The following RNF214 variants were observed in gnomAD, a reference collection of about 807,000 sequenced individuals.
RNF214 encodes ring finger protein 214.
A neutral mutation model predicts 75.9 loss-of-function variants in RNF214; 25 were observed. The observed-to-expected ratio is 0.33, with a 90% CI of 0.24 to 0.46. The LOEUF (loss-of-function observed/expected upper bound fraction) is 0.46, where lower values mean the gene tolerates loss of function less well. Among genes scored for constraint, RNF214 ranks in the 20% least tolerant of loss-of-function variants. The pLI, the probability that RNF214 is intolerant of heterozygous loss-of-function variation, is 1.00. For synonymous variants in RNF214, 314 were observed against 308.8 expected (o/e 1.02, Z -0.18); for missense variants, 725 against 857.5 (o/e 0.85, Z 1.93).
intron 6 of RNF214, among the ~76,000 whole-genome samples, chr11:117,267,836 A>G (rs2033828755): frequency 6.6e-6 from 1 of 152,208 alleles, no homozygotes; most frequent in South Asian, 2.1e-4. Context: ...GCACTTCTGT[A>G]GAACCTAAAA....
At chr11:117,265,830 G>A (rs552654110) in intron 6 of RNF214, among the ~76,000 whole-genome samples, 2 of 152,206 alleles carry the variant, frequency 1.3e-5, no homozygotes, top group African/African-American at 2.4e-5. Context: ...GCATGTAAAC[G>A]CCAACACAAT....
intron 6 of RNF214, among the ~76,000 whole-genome samples, chr11:117,269,734 A>G (rs1025772711): frequency 1.3e-5 from 2 of 152,242 alleles, no homozygotes; most frequent in Non-Finnish European, 2.9e-5. Flanking sequence ...CCTCAGAAGC[A>G]TACAGATGTC....
chr11:117,268,758 T>C (rs1342178199), intron 6 of RNF214, among the ~76,000 whole-genome samples: 1 of 152,238 alleles, frequency 6.6e-6, no homozygotes, highest in African/African-American at 2.4e-5. Flanking sequence ...TTGTATAGAA[T>C]CTGTAGATCA....
chr11:117,282,422 T>G lies in RNF214; in HGVS notation c.1731T>G (p.Ile577Met). ...PQCNKAQMTN[I>M]LQQIKTARTT... ...TCCTCAGGGCCCAGATGACCAACAT[T>G]CTTCAGCAGATCAAGACAGCACGTA... The change falls in exon 12 of 15, where the codon ATT (isoleucine) becomes ATG (methionine). Residue 577 changes from isoleucine to methionine, a missense_variant. Ile to Met is a conservative substitution (Grantham distance 10, BLOSUM62 1). Transcript: ENST00000300650. The G allele has an allele frequency of 6.2e-7, 1 of 1,614,022 alleles. No homozygotes were observed. The highest frequency in any genetic ancestry group is 1.1e-5 in the South Asian group (1 of 91,064).
intron 6 of RNF214, among the ~76,000 whole-genome samples, chr11:117,249,422 A>G (rs1386941948): frequency 1.3e-5 from 2 of 151,992 alleles, no homozygotes; most frequent in African/African-American, 4.8e-5. Flanking sequence ...TGTGAGAATA[A>G]TGTTTTCTGC....
At chr11:117,275,917 A>G (rs1038878773) in intron 6 of RNF214, among the ~76,000 whole-genome samples, 1 of 152,198 alleles carries the variant, frequency 6.6e-6, no homozygotes, top group South Asian at 2.1e-4. Flanking sequence ...TACCAAAGCC[A>G]GGAAAGGACA....
At position 117,234,268 on chromosome 11, in the gene RNF214, G is replaced by A; in HGVS notation, c.-5G>A. Reference sequence around the variant, plus strand: ...TGTAATTTGTTTCTGAATGTACAGAGCATAATGGCAGCGTCTGAGGTTGCT... The same window carrying A: ...TGTAATTTGTTTCTGAATGTACAGAACATAATGGCAGCGTCTGAGGTTGCT... On this transcript the variant is annotated splice_region_variant and 5_prime_UTR_variant, in exon 2 of 15. Coordinates refer to ENST00000300650, the MANE Select transcript of RNF214 (RefSeq NM_207343.4). 6.2e-7 allele frequency: 1 copy of A among 1,610,164 alleles called. No homozygotes were observed. Among genetic ancestry groups the A allele is most frequent in the South Asian group, 1.1e-5 (1 of 90,994 alleles).
At chr11:117,253,421 C>T (rs1277093260) in intron 6 of RNF214, among the ~76,000 whole-genome samples, 1 of 152,158 alleles carries the variant, frequency 6.6e-6, no homozygotes, top group African/African-American at 2.4e-5. Flanking sequence ...AATTGTCTTG[C>T]TTTTGCAGGG....
At position 117,266,452 on chromosome 11, in the gene RNF214, C is replaced by A. The variant is rs568211961; in HGVS notation, c.960-13456C>A. Among the ~76,000 whole-genome samples the A allele has an allele frequency of 3.3e-5, 5 of 152,090 alleles. No individual in the cohort carries two copies. The East Asian group carries it at 9.7e-4, about 30-fold the overall frequency. ...TTGGCTCACTGCAACCTCTGCCTTC[C>A]AGGCTTAAGCGATCTTCCCGCCTCA... On this transcript the variant is annotated intron_variant, in intron 6 of 14. Transcript: ENST00000300650.
chr11:117,269,954 A>G (rs898493227), intron 6 of RNF214, among the ~76,000 whole-genome samples: 19 of 152,214 alleles, frequency 1.2e-4, no homozygotes, highest in Non-Finnish European at 2.5e-4. Flanking sequence ...GGGACCATCT[A>G]TAAATGAAAA....
chr11:117,241,711 C>T (rs550418685), intron 4 of RNF214, among the ~76,000 whole-genome samples: 32 of 152,208 alleles, frequency 2.1e-4, no homozygotes, highest in Middle Eastern at 3.4e-3. Context: ...TCTCTTACTC[C>T]CCAAGTTCAA....
chr11:117,248,484 T>G (rs563728093), intron 6 of RNF214, among the ~76,000 whole-genome samples: 34 of 152,356 alleles, frequency 2.2e-4, no homozygotes, highest in African/African-American at 8.2e-4. Context: ...TCAAAAAAAT[T>G]TTGGCTTTTG....
chr11:117,251,263 C>A (rs1315811989), intron 6 of RNF214, among the ~76,000 whole-genome samples: 2 of 62,108 alleles, frequency 3.2e-5, no homozygotes, highest in African/African-American at 8.2e-5. Flanking sequence ...CTGACCCCCC[C>A]ACCTCCCTCC....
intron 6 of RNF214, 145 bp from the exon 7 acceptor site, chr11:117,279,763 A>C: frequency 1.8e-6 from 1 of 567,294 alleles, no homozygotes. Flanking sequence ...ATAAAGAAGA[A>C]AGAAAAATAA....
rs143523016 is a variant in RNF214, at chr11:117,261,306, T to A, written c.959+14358T>A. 3.8e-3 allele frequency among the ~76,000 whole-genome samples: 580 copies of A among 152,214 alleles called. 7 individuals are homozygous for A. Among genetic ancestry groups the A allele is most frequent in the African/African-American group, 0.013 (554 of 41,548 alleles). The stretch of plus-strand genomic sequence containing the variant: ...CATATTTATAAATTATTGGCTGGGC[T>A]CAGTGGCTCATGCCTGTAATCCCAG... On this transcript the variant is annotated intron_variant, in intron 6 of 14. Transcript: ENST00000300650.
At chr11:117,264,937 T>C (rs1260672906) in intron 6 of RNF214, among the ~76,000 whole-genome samples, 1 of 151,774 alleles carries the variant, frequency 6.6e-6, no homozygotes, top group Non-Finnish European at 1.5e-5. Flanking sequence ...CGTGGTGGCA[T>C]GTGTCTGTAC....
At position 117,282,397 on chromosome 11, in the gene RNF214, TCCTCAGGG is replaced by T; in HGVS notation, c.1713-4_1716del. On this transcript the variant is annotated splice_acceptor_variant and splice_polypyrimidine_tract_variant and coding_sequence_variant and intron_variant, in exon 12 of 15. Transcript: ENST00000300650. LOFTEE classifies it high-confidence loss of function. ...GCTTTCTCTCCCTCAACATTTTTTT[TCCTCAGGG>T]CCCAGATGACCAACATTCTTCAGCA... 1 of 1,612,906 alleles carries T rather than the reference TCCTCAGGG, an allele frequency of 6.2e-7. No homozygotes were observed. The highest frequency in any genetic ancestry group is 1.7e-5 in the Admixed American group (1 of 59,910).
chr11:117,282,799 C>A lies in RNF214; in HGVS notation c.1899C>A (p.Thr633=). 1 of 1,614,156 alleles carries A rather than the reference C, an allele frequency of 6.2e-7. No individual in the cohort carries two copies. Among genetic ancestry groups the A allele is most frequent in the Non-Finnish European group, 8.5e-7 (1 of 1,180,026 alleles). ...CTGCTCCACTGGCCCAAATCAGTAC[C>A]CCAATGTTCTTGCCTTCTGCCCAAG... The part of the protein sequence containing the change: ...LFPAPLAQIS[T]PMFLPSAQVS... Residue 633 remains threonine (T), a synonymous_variant, in exon 13 of 15, where the codon ACC becomes ACA. Transcript: ENST00000300650.
At chr11:117,280,298 A>T (rs2034100760) in intron 8 of RNF214, 39 bp downstream of exon 8, 2 of 1,309,282 alleles carry the variant, frequency 1.5e-6, no homozygotes, top group South Asian at 1.2e-5. Context: ...ATTGTTTTGC[A>T]GTTTGTTTGT....
Sources: gnomAD v4.1 joint callset for allele counts (sites outside exome capture counted in the v4.1 genomes callset) on GRCh38, gnomAD v4.1.1 for gene constraint, MANE v1.5 for transcripts, NCBI Gene and HGNC (gene_info 2026-07-23, HGNC 2026-07-21) for gene names.